Variants in DAB1 observed in about 807,000 individuals in gnomAD.
DAB1 encodes the protein DAB adaptor protein 1, also known as disabled homolog 1.
In DAB1, 15 loss-of-function variants were observed where a neutral mutation model predicts 64.6. The ratio of observed to expected loss-of-function variants is 0.23; its 90% CI spans 0.16 to 0.36. The LOEUF (loss-of-function observed/expected upper bound fraction) is 0.36. Ranked by LOEUF, DAB1 falls within the 10% of genes least tolerant of loss-of-function variation. The probability of loss-of-function intolerance (pLI) is 1.00; values close to 1 mark genes in which losing one functional copy is unlikely to be tolerated. For missense variants in DAB1, 596 were observed against 706.7 expected, an observed-to-expected ratio of 0.84 and a Z score of 1.78; for synonymous variants, 235 against 251.9, an observed-to-expected ratio of 0.93 and a Z score of 0.64.
At chr1:58,088,937 G>A (rs1650478840) in intron 5 of DAB1, among the ~76,000 whole-genome samples, 1 of 152,220 alleles carries the variant, frequency 6.6e-6, no homozygotes. Flanking sequence ...CGCGGGGCAA[G>A]AAAGGAAAGG....
chr1:57,906,119 T>C (rs1319306815), intron 5 of DAB1, among the ~76,000 whole-genome samples: 3 of 152,162 alleles, frequency 2.0e-5, no homozygotes, highest in Non-Finnish European at 4.4e-5. Flanking sequence ...GAAAGGATTC[T>C]TAAAAAGCAG....
intron 7 of DAB1, among the ~76,000 whole-genome samples, chr1:57,479,089 C>CA (rs908005129): frequency 1.0e-3 from 153 of 146,256 alleles, no homozygotes; most frequent in Admixed American, 2.0e-3. Flanking sequence ...AATGATATTA[C>CA]AAAAAAAAAA....
chr1:57,761,839 T>C (rs930034532), intron 6 of DAB1, among the ~76,000 whole-genome samples: 3 of 152,148 alleles, frequency 2.0e-5, no homozygotes, highest in East Asian at 1.9e-4. Flanking sequence ...ACAAAACAGA[T>C]GGCTGAAATG....
intron 7 of DAB1, among the ~76,000 whole-genome samples, chr1:57,461,567 T>C (rs74074730): frequency 0.042 from 6,395 of 152,268 alleles, 211 homozygotes; most frequent in East Asian, 0.17. Context: ...AGGAAACTAA[T>C]CTGTTTCTGG....
chr1:57,869,519 GCTC>G (rs1386658625), intron 1 of DAB1, among the ~76,000 whole-genome samples: 2 of 152,084 alleles, frequency 1.3e-5, no homozygotes, highest in African/African-American at 4.8e-5. Context: ...CCTACTCTGA[GCTC>G]CTCATTTTAC....
chr1:57,767,774 C>G (rs920121034), intron 6 of DAB1, among the ~76,000 whole-genome samples: 1 of 152,098 alleles, frequency 6.6e-6, no homozygotes, highest in Non-Finnish European at 1.5e-5. Flanking sequence ...CCTCTGTTCT[C>G]CACATTTGAC....
At chr1:57,394,133 C>A (rs1248575699) in intron 1 of DAB1, among the ~76,000 whole-genome samples, 6 of 152,194 alleles carry the variant, frequency 3.9e-5, no homozygotes. Context: ...AAAGTTGAGG[C>A]CATTCACCGT....
chr1:58,527,204 C>T (rs1646365564), intron 2 of DAB1: 14 of 839,452 alleles, frequency 1.7e-5, no homozygotes, highest in South Asian at 4.0e-5. Context: ...AAATAACACA[C>T]GTTTATCTTT....
intron 9 of DAB1, among the ~76,000 whole-genome samples, chr1:57,050,190 C>A (rs776175328): frequency 1.1e-4 from 16 of 152,200 alleles, no homozygotes; most frequent in Non-Finnish European, 1.6e-4. Context: ...TATTAAACTA[C>A]CTGGCATGGG....
chr1:58,108,873 A>T (rs1651812472), intron 5 of DAB1, among the ~76,000 whole-genome samples: 1 of 152,212 alleles, frequency 6.6e-6, no homozygotes, highest in African/African-American at 2.4e-5. Flanking sequence ...TCTTAAGTAG[A>T]GATACTAGTT....
chr1:57,915,329 A>G (rs1272712831), intron 5 of DAB1, among the ~76,000 whole-genome samples: 2 of 152,200 alleles, frequency 1.3e-5, no homozygotes, highest in Non-Finnish European at 2.9e-5. Flanking sequence ...TTAGAAATAT[A>G]TAGAGAGATA....
At chr1:57,605,719 G>T (rs556119732) in intron 7 of DAB1, 1 of 283,762 alleles carries the variant, frequency 3.5e-6, no homozygotes, top group South Asian at 4.7e-5. Context: ...GAACACTGAT[G>T]TTTTCTTCTA....
chr1:58,133,376 G>A (rs1223640173), intron 5 of DAB1, among the ~76,000 whole-genome samples: 1 of 152,150 alleles, frequency 6.6e-6, no homozygotes, highest in Non-Finnish European at 1.5e-5. Context: ...CCTAGCTAAT[G>A]CCTCATCTGA....
intron 9 of DAB1, among the ~76,000 whole-genome samples, chr1:57,031,313 C>G (rs1646960058): frequency 6.6e-6 from 1 of 152,164 alleles, no homozygotes; most frequent in Non-Finnish European, 1.5e-5. Context: ...CAGGCCTCCT[C>G]CCCATGTTAA....
At chr1:58,528,706 C>T (rs1646388336) in intron 1 of DAB1, among the ~76,000 whole-genome samples, 1 of 152,164 alleles carries the variant, frequency 6.6e-6, no homozygotes, top group African/African-American at 2.4e-5. Flanking sequence ...TTAAATGTGT[C>T]ATTCGGTCCT....
chr1:57,861,946 C>A (rs1181638478), intron 1 of DAB1, among the ~76,000 whole-genome samples: 1 of 152,064 alleles, frequency 6.6e-6, no homozygotes, highest in Non-Finnish European at 1.5e-5. Flanking sequence ...AACCTGCTCA[C>A]ATGGTTATGC....
At chr1:58,269,284 G>A (rs948547595) in intron 4 of DAB1, among the ~76,000 whole-genome samples, 1 of 151,426 alleles carries the variant, frequency 6.6e-6, no homozygotes, top group Non-Finnish European at 1.5e-5. Context: ...TTGTTCTTGT[G>A]ATAGTTTACT....
intron 11 of DAB1, among the ~76,000 whole-genome samples, chr1:57,019,733 G>A (rs921587582): frequency 2.0e-5 from 3 of 152,194 alleles, no homozygotes; most frequent in Admixed American, 2.0e-4. Flanking sequence ...CAATAGTGGA[G>A]GGAGGAGGTA....
chr1:57,027,855 T>G (rs901547914), intron 9 of DAB1, among the ~76,000 whole-genome samples: 4 of 152,206 alleles, frequency 2.6e-5, no homozygotes, highest in Admixed American at 6.5e-5. Context: ...ACTGATTTTC[T>G]TTCCAGCTGC....
Sources: gnomAD v4.1 joint callset for allele counts (sites outside exome capture counted in the v4.1 genomes callset) on GRCh38, gnomAD v4.1.1 for gene constraint, MANE v1.5 for transcripts, NCBI Gene and HGNC (gene_info 2026-07-23, HGNC 2026-07-21) for gene names.